ABTB3: variants seen among roughly 807,000 people sequenced by gnomAD.
The protein encoded by ABTB3 is ankyrin repeat and BTB domain containing 3, also known as ankyrin repeat- and BTB/POZ domain-containing protein 3.
At chr12:107,514,913 G>A in the ABTB3 span, among the ~76,000 whole-genome samples, 1 of 152,172 alleles carries the variant, frequency 6.6e-6, no homozygotes, top group African/African-American at 2.4e-5. Flanking sequence ...GTCGAAAGCT[G>A]GGTTAGTGCA....
the ABTB3 span, among the ~76,000 whole-genome samples, chr12:107,350,103 G>A: frequency 6.6e-6 from 1 of 152,234 alleles, no homozygotes; most frequent in African/African-American, 2.4e-5. Context: ...CCCTCTCAAG[G>A]CAAAGGATAA....
the ABTB3 span, among the ~76,000 whole-genome samples, chr12:107,392,343 G>C: frequency 6.6e-6 from 1 of 152,054 alleles, no homozygotes; most frequent in Non-Finnish European, 1.5e-5. Context: ...TCTCTTAACT[G>C]TTCCTGGGGA....
chr12:107,506,996 C>T, the ABTB3 span, among the ~76,000 whole-genome samples: 1 of 152,122 alleles, frequency 6.6e-6, no homozygotes. Context: ...TAAAAACAGG[C>T]ATGGATAATT....
the ABTB3 span, among the ~76,000 whole-genome samples, chr12:107,654,885 A>G: frequency 6.6e-6 from 1 of 151,126 alleles, no homozygotes; most frequent in African/African-American, 2.5e-5. Context: ...TGAGGATTAT[A>G]CCAAAATCTG....
At chr12:107,524,040 CA>C in the ABTB3 span, among the ~76,000 whole-genome samples, 184 of 152,330 alleles carry the variant, frequency 1.2e-3, no homozygotes, top group African/African-American at 4.2e-3. Context: ...ATTTGCTAAA[CA>C]AATCTGCTCT....
At chr12:107,551,396 A>G in the ABTB3 span, among the ~76,000 whole-genome samples, 4 of 152,252 alleles carry the variant, frequency 2.6e-5, no homozygotes, top group African/African-American at 9.6e-5. Context: ...GTTTTGAAAC[A>G]TGATCCATTT....
chr12:107,358,143 G>A, the ABTB3 span, among the ~76,000 whole-genome samples: 1 of 152,188 alleles, frequency 6.6e-6, no homozygotes, highest in Non-Finnish European at 1.5e-5. Flanking sequence ...TTCTAGTGGT[G>A]GAGGGGGAAA....
chr12:107,409,561 T>C, the ABTB3 span, among the ~76,000 whole-genome samples: 10 of 152,346 alleles, frequency 6.6e-5, no homozygotes, highest in Middle Eastern at 3.4e-3. Context: ...TGCAGCGACA[T>C]GGATAGAGCT....
At chr12:107,476,610 A>G in the ABTB3 span, among the ~76,000 whole-genome samples, 1,357 of 151,852 alleles carry the variant, frequency 8.9e-3, 17 homozygotes, top group African/African-American at 0.031. Flanking sequence ...CCCTGCAGGG[A>G]AGGGGAGGGT....
chr12:107,449,276 A>G, the ABTB3 span, among the ~76,000 whole-genome samples: 1 of 152,092 alleles, frequency 6.6e-6, no homozygotes. Context: ...ATGCTGGTCT[A>G]TTTCTTATGT....
At chr12:107,557,249 C>T in the ABTB3 span, among the ~76,000 whole-genome samples, 16 of 152,290 alleles carry the variant, frequency 1.1e-4, no homozygotes, top group African/African-American at 3.8e-4. Context: ...CATGGTAGAG[C>T]CTGTGGCTCC....
chr12:107,608,695 C>A, the ABTB3 span, among the ~76,000 whole-genome samples: 3 of 151,910 alleles, frequency 2.0e-5, no homozygotes, highest in African/African-American at 7.2e-5. Context: ...CATAACAAGA[C>A]CCTGTCTTTA....
At chr12:107,517,762 A>G in the ABTB3 span, among the ~76,000 whole-genome samples, 18 of 152,342 alleles carry the variant, frequency 1.2e-4, no homozygotes, top group African/African-American at 3.4e-4. Flanking sequence ...AAATTGACAA[A>G]TGGGATCTAA....
At chr12:107,647,127 C>G in the ABTB3 span, among the ~76,000 whole-genome samples, 2 of 152,084 alleles carry the variant, frequency 1.3e-5, no homozygotes, top group South Asian at 4.1e-4. Flanking sequence ...CTCAAGAGTT[C>G]AAGACCAGCC....
At chr12:107,560,710 C>T in the ABTB3 span, among the ~76,000 whole-genome samples, 1 of 152,200 alleles carries the variant, frequency 6.6e-6, no homozygotes, top group African/African-American at 2.4e-5. Flanking sequence ...AATCTCCTCC[C>T]TCTCTTTCTG....
At chr12:107,328,851 G>A in the ABTB3 span, among the ~76,000 whole-genome samples, 38 of 152,208 alleles carry the variant, frequency 2.5e-4, no homozygotes, top group African/African-American at 7.2e-4. Flanking sequence ...CCTGAGGGGC[G>A]TGTGGGGTAG....
chr12:107,637,812 G>A, the ABTB3 span, among the ~76,000 whole-genome samples: 1 of 151,388 alleles, frequency 6.6e-6, no homozygotes, highest in African/African-American at 2.4e-5. Flanking sequence ...GTGTGTGTGT[G>A]TGTGTGTGTG....
chr12:107,350,196 G>C, the ABTB3 span, among the ~76,000 whole-genome samples: 2 of 151,978 alleles, frequency 1.3e-5, no homozygotes, highest in African/African-American at 4.8e-5. Flanking sequence ...TAATTTAGGG[G>C]GGAAAAATCA....
chr12:107,436,691 C>T, the ABTB3 span, among the ~76,000 whole-genome samples: 58 of 152,284 alleles, frequency 3.8e-4, 2 homozygotes, highest in Admixed American at 3.7e-3. Context: ...AGAGGGTGAG[C>T]GAGTTTCTCT....
Sources: gnomAD v4.1 joint callset for allele counts (sites outside exome capture counted in the v4.1 genomes callset) on GRCh38, gnomAD v4.1.1 for gene constraint, MANE v1.5 for transcripts, NCBI Gene and HGNC (gene_info 2026-07-23, HGNC 2026-07-21) for gene names.